The following DROSHA variants were observed in gnomAD, a reference collection of about 807,000 sequenced individuals.
DROSHA encodes the protein drosha ribonuclease III.
In DROSHA, 56 loss-of-function variants were observed where a neutral mutation model predicts 181.9. The ratio of observed to expected loss-of-function variants is 0.31; its 90% confidence interval spans 0.25 to 0.38. The LOEUF (loss-of-function observed/expected upper bound fraction) is 0.38. Ranked by LOEUF, DROSHA falls within the 10% of genes least tolerant of loss-of-function variation. DROSHA has a pLI of 1.00. For synonymous variants in DROSHA, 524 were observed against 591.2 expected, an observed-to-expected ratio of 0.89 and a Z score of 1.65; for missense variants, 1,218 against 1,743.5, an observed-to-expected ratio of 0.70 and a Z score of 5.37.
intron 29 of DROSHA, chr5:31,421,871 C>CAAAAAAA (rs70955711): frequency 8.6e-4 from 22 of 25,470 alleles, no homozygotes; most frequent in East Asian, 3.1e-3. Context: ...CCCATCTCTA[C>CAAAAAAA]AAAAAAAAAA....
chr5:31,502,754 T>C (rs566683893), intron 11 of DROSHA, among the ~76,000 whole-genome samples: 2 of 152,156 alleles, frequency 1.3e-5, no homozygotes, highest in Non-Finnish European at 2.9e-5. Flanking sequence ...AATGGGTCAG[T>C]TGGCAAGAGT....
chr5:31,447,967 A>G (rs77504950), intron 23 of DROSHA, among the ~76,000 whole-genome samples: 6,515 of 152,308 alleles, frequency 0.043, 460 homozygotes, highest in African/African-American at 0.15. Context: ...AAGGTTAAAC[A>G]GAGTTACCAT....
rs1049967559 is a variant in DROSHA, at chr5:31,484,816, G to A, written c.1996+65C>T. On this transcript the variant is annotated intron_variant, in intron 15 of 35. Transcript: ENST00000344624. Reference sequence around the variant, plus strand: ...CTATCTCCCTACAACTTTTATAAGAGTTTTCACATATACCATAATGTTCTT... The same window carrying A: ...CTATCTCCCTACAACTTTTATAAGAATTTTCACATATACCATAATGTTCTT... 1.2e-5 allele frequency: 14 copies of A among 1,198,822 alleles called. No individual in the cohort carries two copies. In the African/African-American group the frequency reaches 1.9e-4, roughly 16 times the overall value. 74.3% of individuals were successfully genotyped at this position (1,198,822 alleles called of 1,614,324 possible). A position where few individuals can be genotyped will look rare whatever the true frequency, so the allele number is the denominator to read the frequency against.
chr5:31,503,146 G>A (rs1401371288), intron 11 of DROSHA, among the ~76,000 whole-genome samples: 1 of 152,110 alleles, frequency 6.6e-6, no homozygotes, highest in African/African-American at 2.4e-5. Flanking sequence ...GGCAGTTGGT[G>A]TCAGCCACCC....
At chr5:31,472,543 G>C (rs1242583971) in intron 16 of DROSHA, among the ~76,000 whole-genome samples, 4 of 152,208 alleles carry the variant, frequency 2.6e-5, no homozygotes, top group African/African-American at 9.6e-5. Flanking sequence ...AAGCCACCTA[G>C]CATAAATAAC....
intron 23 of DROSHA, among the ~76,000 whole-genome samples, chr5:31,440,580 G>A (rs1352099414): frequency 6.6e-6 from 1 of 152,166 alleles, no homozygotes; most frequent in Non-Finnish European, 1.5e-5. Context: ...AAGTGATTCT[G>A]AACCCTCCTT....
At chr5:31,495,455 CA>C (rs1457047193) in intron 11 of DROSHA, 83 bp from the exon 12 acceptor site, 3 of 1,297,114 alleles carry the variant, frequency 2.3e-6, no homozygotes, top group Non-Finnish European at 2.1e-6. Flanking sequence ...CCTAGATTCA[CA>C]TCTAACAAAA....
At position 31,529,095 on chromosome 5, in the gene DROSHA, G is replaced by A. The variant is rs760467039; in HGVS notation, c.-36C>T. 1.9e-6 allele frequency: 3 copies of A among 1,609,980 alleles called. No individual in the cohort carries two copies. Among genetic ancestry groups the A allele is most frequent in the Non-Finnish European group, 2.5e-6 (3 of 1,178,318 alleles). ...CTGGATATGTCACATCTTCCACAGA[G>A]AATATAAGCTCTAAAAAACAGAAAG... On this transcript the variant is annotated 5_prime_UTR_variant, in exon 4 of 36. Coordinates refer to ENST00000344624, the MANE Select transcript of DROSHA (RefSeq NM_001382508.1).
intron 23 of DROSHA, 47 bp downstream of exon 23, chr5:31,448,500 A>T (rs1244046857): frequency 1.3e-6 from 2 of 1,495,928 alleles, no homozygotes; most frequent in Non-Finnish European, 1.9e-6. Flanking sequence ...ACTGTATAGT[A>T]CGTGAATTAT....
intron 8 of DROSHA, among the ~76,000 whole-genome samples, chr5:31,513,530 T>G (rs1738931366): frequency 6.6e-6 from 1 of 152,158 alleles, no homozygotes; most frequent in African/African-American, 2.4e-5. Flanking sequence ...TATGTGAGCT[T>G]TCCCTTCCCT....
At position 31,529,391 on chromosome 5, in the gene DROSHA, A is replaced by G. The variant is rs74694341; in HGVS notation, c.-46-286T>C. 8.7e-4 allele frequency among the ~76,000 whole-genome samples: 132 copies of G among 152,266 alleles called. 1 individual carries two copies. The highest frequency in any genetic ancestry group is 3.0e-3 in the African/African-American group (126 of 41,544). ...TAATTTGTTAAAAGACTTGGGAAAA[A>G]TATCATTTCCCCTCTCCCCCTTCAT... On this transcript the variant is annotated intron_variant, in intron 3 of 35. Coordinates refer to ENST00000344624, the MANE Select transcript of DROSHA (RefSeq NM_001382508.1).
At position 31,474,544 on chromosome 5, in the gene DROSHA, T is replaced by G. The variant is rs1318433206; in HGVS notation, c.2072-2312A>C. On this transcript the variant is annotated intron_variant, in intron 16 of 35. Transcript: ENST00000344624. ...GGCCTGGCTACTTTTTTAATTTTTTTGTAGAGACAGGGTCTAATTATGTTG... is the reference window on the plus strand; with the variant it reads ...GGCCTGGCTACTTTTTTAATTTTTTGGTAGAGACAGGGTCTAATTATGTTG... Among the ~76,000 whole-genome samples the G allele has an allele frequency of 7.2e-5, 11 of 152,034 alleles. No individual in the cohort carries two copies. The East Asian group carries it at 2.1e-3, about 29-fold the overall frequency.
At chr5:31,512,366 T>G (rs1171442965) in intron 8 of DROSHA, among the ~76,000 whole-genome samples, 1 of 152,152 alleles carries the variant, frequency 6.6e-6, no homozygotes, top group Admixed American at 6.5e-5. Flanking sequence ...CTCATAACGA[T>G]GTAATAAAAA....
chr5:31,527,326 AC>A (rs899875372), intron 4 of DROSHA, among the ~76,000 whole-genome samples: 2 of 149,758 alleles, frequency 1.3e-5, no homozygotes, highest in African/African-American at 2.5e-5. Flanking sequence ...TGGGATTACC[AC>A]CCCCCCTCTG....
intron 23 of DROSHA, among the ~76,000 whole-genome samples, chr5:31,440,628 C>A (rs1356932315): frequency 6.6e-6 from 1 of 152,174 alleles, no homozygotes; most frequent in Non-Finnish European, 1.5e-5. Flanking sequence ...AAACATCACT[C>A]TGGAAAGCAA....
chr5:31,437,424 C>T (rs890502896), intron 23 of DROSHA, 126 bp from the exon 24 acceptor site: 2 of 844,396 alleles, frequency 2.4e-6, no homozygotes, highest in Non-Finnish European at 3.7e-6. Flanking sequence ...TTCCCTATTC[C>T]TCATAATTAA....
chr5:31,513,731 A>T (rs1052781783), intron 8 of DROSHA, among the ~76,000 whole-genome samples: 2 of 152,160 alleles, frequency 1.3e-5, no homozygotes, highest in African/African-American at 4.8e-5. Context: ...CTTATCTCTT[A>T]TCTAATCCCA....
chr5:31,467,851 G>C, intron 18 of DROSHA, 88 bp downstream of exon 18: 1 of 1,479,930 alleles, frequency 6.8e-7, no homozygotes. Context: ...TTTTAAAAAG[G>C]AAACATCCAC....
At position 31,453,690 on chromosome 5, in the gene DROSHA, A is replaced by G. The variant is rs16901190; in HGVS notation, c.2575-2050T>C. On this transcript the variant is annotated intron_variant, in intron 20 of 35. Coordinates refer to ENST00000344624, the MANE Select transcript of DROSHA (RefSeq NM_001382508.1). ...ATGTAAAACAGCTTTGAATCCCTTA[A>G]CCACTTCCTCTAAACCTGCTCCAAA... is the stretch of plus-strand genomic sequence containing the variant. 0.022 allele frequency among the ~76,000 whole-genome samples: 3,291 copies of G among 152,146 alleles called. 194 individuals carry two copies. The East Asian group carries it at 0.22, about 10-fold the overall frequency.
Sources: allele counts gnomAD v4.1 joint callset (sites outside exome capture counted in the v4.1 genomes callset), GRCh38; gene constraint gnomAD v4.1.1; transcripts MANE v1.5; gene names NCBI Gene and HGNC (gene_info 2026-07-23, HGNC 2026-07-21).